ZNF536: variants seen among roughly 807,000 people sequenced by gnomAD.
The protein encoded by ZNF536 is zinc finger protein 536.
Under a neutral mutation model 84.5 loss-of-function variants are expected in ZNF536, and 13 were observed. That is an observed-to-expected ratio of 0.15 (90% CI 0.10 to 0.24). The LOEUF is 0.24. Among genes scored for constraint, ZNF536 ranks in the 10% least tolerant of loss-of-function variants. The pLI is 1.00. For missense variants in ZNF536, 1,536 were observed against 1,747.5 expected (o/e 0.88, Z 2.16); for synonymous variants, 811 against 742.5 (o/e 1.09, Z -1.50).
chr19:30,489,725 G>A (rs1213382168), intron 2 of ZNF536, among the ~76,000 whole-genome samples: 1 of 152,148 alleles, frequency 6.6e-6, no homozygotes, highest in East Asian at 1.9e-4. Context: ...AATATGATTA[G>A]AAAGAAGTCT....
chr19:30,375,404 GC>G (rs1369391856), intron 1 of ZNF536, among the ~76,000 whole-genome samples: 2 of 152,094 alleles, frequency 1.3e-5, no homozygotes, highest in Non-Finnish European at 2.9e-5. Context: ...GTGCGCGGGG[GC>G]TCCCCGCTAC....
intron 1 of ZNF536, among the ~76,000 whole-genome samples, chr19:30,648,680 G>C (rs781407161): frequency 6.6e-6 from 1 of 152,192 alleles, no homozygotes; most frequent in Non-Finnish European, 1.5e-5. Flanking sequence ...TAACATAGAA[G>C]TGCGTGAAAT....
At chr19:30,550,284 C>A (rs1222546923) in intron 4 of ZNF536, among the ~76,000 whole-genome samples, 2 of 152,230 alleles carry the variant, frequency 1.3e-5, no homozygotes, top group South Asian at 2.1e-4. Flanking sequence ...CATATGGGTA[C>A]CCCAAAGGAA....
intron 1 of ZNF536, among the ~76,000 whole-genome samples, chr19:30,275,959 T>C (rs1447736519): frequency 1.3e-5 from 2 of 152,072 alleles, no homozygotes; most frequent in Admixed American, 1.3e-4. Flanking sequence ...GGCAAGAGTA[T>C]CTCCCCTCTC....
At chr19:30,537,645 C>A (rs2045143975) in intron 3 of ZNF536, among the ~76,000 whole-genome samples, 1 of 152,190 alleles carries the variant, frequency 6.6e-6, no homozygotes, top group African/African-American at 2.4e-5. Flanking sequence ...CCAAAGCTGA[C>A]AGAAGTTCTG....
chr19:30,525,102 C>T (rs1462998009), intron 2 of ZNF536, among the ~76,000 whole-genome samples: 1 of 152,162 alleles, frequency 6.6e-6, no homozygotes, highest in Non-Finnish European at 1.5e-5. Flanking sequence ...AGGGGCCTCA[C>T]ACTTTAGTCT....
intron 2 of ZNF536, among the ~76,000 whole-genome samples, chr19:30,483,134 C>T (rs1484773207): frequency 2.0e-5 from 3 of 152,184 alleles, no homozygotes; most frequent in Non-Finnish European, 2.9e-5. Flanking sequence ...GTGCCCACCT[C>T]ATTGGAACTG....
At chr19:30,344,193 C>T (rs1001799433) in intron 2 of ZNF536, among the ~76,000 whole-genome samples, 1 of 150,624 alleles carries the variant, frequency 6.6e-6, no homozygotes, top group Admixed American at 6.6e-5. Flanking sequence ...ATCCCAGCAA[C>T]TTTGGGAGGG....
At chr19:30,370,011 G>A (rs2147006428), upstream of ZNF536, among the ~76,000 whole-genome samples, 2 of 152,342 alleles carry the variant, frequency 1.3e-5, no homozygotes. Context: ...AACGTGGATG[G>A]TGACACACCT....
chr19:30,580,873 G>T (rs995449620), intron 1 of ZNF536, among the ~76,000 whole-genome samples: 17 of 152,194 alleles, frequency 1.1e-4, no homozygotes, highest in African/African-American at 3.9e-4. Context: ...TCAGATGGGG[G>T]CAGCAGAGAC....
intron 2 of ZNF536, among the ~76,000 whole-genome samples, chr19:30,466,746 AAGAAAGGAGGGAAGGAAGGAAG>A (rs2053424400): frequency 1.3e-5 from 1 of 74,950 alleles, no homozygotes; most frequent in African/African-American, 7.2e-5. Flanking sequence ...GGAGGGAAGG[AAGAAAGGAGGGAAGGAAGGAAG>A]GAAGGAAGGA....
At chr19:30,712,761 T>G (rs1304905909) in exon 2 of ZNF536, 1 of 152,172 alleles carries the variant, frequency 6.6e-6, no homozygotes, top group Non-Finnish European at 1.5e-5. Context: ...GTTGATAAAC[T>G]TAATGCAACT....
intron 1 of ZNF536, among the ~76,000 whole-genome samples, chr19:30,590,993 A>G (rs1428092407): frequency 6.6e-6 from 1 of 152,226 alleles, no homozygotes; most frequent in African/African-American, 2.4e-5. Flanking sequence ...TGGCCTGTGC[A>G]TGGCCCAGAT....
chr19:30,425,658 T>A (rs910821939), intron 1 of ZNF536, among the ~76,000 whole-genome samples: 4 of 152,170 alleles, frequency 2.6e-5, no homozygotes, highest in Non-Finnish European at 5.9e-5. Flanking sequence ...ACCATCCTTG[T>A]AGCTCCCTGG....
chr19:30,502,430 G>A lies in ZNF536; in HGVS notation c.2171-32417G>A, dbSNP rs574841786. ...TGGGATTGAGGTGACCAGGGGAAGA[G>A]GCCCTGGAAATGGTGAGTGATCGGA... On this transcript the variant is annotated intron_variant, in intron 2 of 4. Coordinates refer to ENST00000355537, the MANE Select transcript of ZNF536 (RefSeq NM_014717.3). 2.3e-3 allele frequency among the ~76,000 whole-genome samples: 352 copies of A among 152,234 alleles called. 2 individuals are homozygous for A. The highest frequency in any genetic ancestry group is 5.1e-3 in the African/African-American group (210 of 41,524).
At chr19:30,701,993 C>G (rs2052004696) in intron 1 of ZNF536, among the ~76,000 whole-genome samples, 1 of 152,198 alleles carries the variant, frequency 6.6e-6, no homozygotes, top group African/African-American at 2.4e-5. Context: ...TCTCTCCCCA[C>G]TCTCTTACCC....
At chr19:30,230,427 T>C (rs1287413084) in intron 1 of ZNF536, among the ~76,000 whole-genome samples, 3 of 152,156 alleles carry the variant, frequency 2.0e-5, no homozygotes, top group Non-Finnish European at 2.9e-5. Flanking sequence ...TGAAAGCCCA[T>C]CTTGTTCTGT....
chr19:30,418,348 G>C (rs112104471), intron 1 of ZNF536, among the ~76,000 whole-genome samples: 17 of 152,234 alleles, frequency 1.1e-4, no homozygotes, highest in African/African-American at 3.9e-4. Context: ...GGTGAAGTGC[G>C]TTCAGTCATT....
intron 2 of ZNF536, among the ~76,000 whole-genome samples, chr19:30,316,098 G>A (rs554262791): frequency 6.6e-6 from 1 of 152,286 alleles, no homozygotes; most frequent in South Asian, 2.1e-4. Context: ...CTGTATCACG[G>A]TAAACAAGTT....
Sources: gnomAD v4.1 joint callset for allele counts (sites outside exome capture counted in the v4.1 genomes callset) on GRCh38, gnomAD v4.1.1 for gene constraint, MANE v1.5 for transcripts, NCBI Gene and HGNC (gene_info 2026-07-23, HGNC 2026-07-21) for gene names.